EYA2: variants seen among roughly 807,000 people sequenced by gnomAD.
The protein encoded by EYA2 is EYA transcriptional coactivator and phosphatase 2.
In EYA2, 31 loss-of-function variants were observed where a neutral mutation model predicts 69.2. That is an observed-to-expected ratio of 0.45 (90% CI 0.34 to 0.60). The LOEUF (loss-of-function observed/expected upper bound fraction) is 0.60, where lower values mean the gene tolerates loss of function less well. Ranked by LOEUF, EYA2 falls within the 20% of genes least tolerant of loss-of-function variation. The pLI, the probability that EYA2 is intolerant of heterozygous loss-of-function variation, is 0.02. For synonymous variants in EYA2, 257 were observed against 279.4 expected (o/e 0.92, Z 0.80); for missense variants, 622 against 701.2 (o/e 0.89, Z 1.28).
chr20:47,066,479 TTCTC>T (rs1449912048), intron 5 of EYA2, among the ~76,000 whole-genome samples: 2 of 152,176 alleles, frequency 1.3e-5, no homozygotes, highest in Non-Finnish European at 2.9e-5. Flanking sequence ...AGAAGGGTAT[TTCTC>T]TCTCACCTAA....
chr20:47,044,199 G>C (rs183781911), intron 5 of EYA2, among the ~76,000 whole-genome samples: 3 of 152,192 alleles, frequency 2.0e-5, no homozygotes, highest in African/African-American at 7.2e-5. Context: ...AACATATGGC[G>C]TTAAGGTGTC....
At chr20:46,914,536 C>T (rs1984803827) in intron 1 of EYA2, among the ~76,000 whole-genome samples, 1 of 152,148 alleles carries the variant, frequency 6.6e-6, no homozygotes, top group Admixed American at 6.5e-5. Flanking sequence ...ACACATCCTT[C>T]TTCATATGGT....
intron 5 of EYA2, among the ~76,000 whole-genome samples, chr20:47,028,929 T>C (rs1438541828): frequency 6.7e-6 from 1 of 150,306 alleles, no homozygotes; most frequent in East Asian, 1.9e-4. Context: ...TATTCAAAAT[T>C]TAAATTAAAA....
At chr20:47,004,042 A>G (rs1982538776) in intron 3 of EYA2, among the ~76,000 whole-genome samples, 1 of 152,232 alleles carries the variant, frequency 6.6e-6, no homozygotes, top group Admixed American at 6.5e-5. Context: ...CATAGTATAA[A>G]TATCTTAAGT....
intron 5 of EYA2, among the ~76,000 whole-genome samples, chr20:47,041,474 CTT>C (rs1985065841): frequency 6.6e-6 from 1 of 152,216 alleles, no homozygotes; most frequent in Non-Finnish European, 1.5e-5. Flanking sequence ...ATATTGAACA[CTT>C]TTATACAGAT....
In EYA2 at chr20:46,983,304, G is replaced by A. The variant is rs1980960451; in HGVS notation, c.-10-6697G>A. Among the ~76,000 whole-genome samples, 4 of 152,194 alleles carry A rather than the reference G, an allele frequency of 2.6e-5. No individual in the cohort carries two copies. In the South Asian group the frequency reaches 8.3e-4, roughly 32 times the overall value. ...TGTATAAAACATTGTGGAGACTCTG[G>A]AAGATGACATCTCCTCCAAAAGAAA... On this transcript the variant is annotated intron_variant, in intron 1 of 15. Transcript: ENST00000327619.
At chr20:47,085,730 C>A (rs1018702100) in intron 7 of EYA2, among the ~76,000 whole-genome samples, 10 of 151,962 alleles carry the variant, frequency 6.6e-5, no homozygotes, top group Non-Finnish European at 1.5e-4. Flanking sequence ...CCAAAACAAG[C>A]CAGAAAAAAG....
At chr20:46,938,310 A>G (rs77167154) in intron 1 of EYA2, among the ~76,000 whole-genome samples, 200 of 152,348 alleles carry the variant, frequency 1.3e-3, no homozygotes, top group Middle Eastern at 3.4e-3. Context: ...GTTACTTGCA[A>G]ACATGATGAT....
intron 1 of EYA2, among the ~76,000 whole-genome samples, chr20:46,938,698 C>T (rs1371907426): frequency 1.3e-5 from 2 of 152,152 alleles, no homozygotes; most frequent in African/African-American, 4.8e-5. Flanking sequence ...ATGGATGCCA[C>T]AGTGTTTTAT....
intron 1 of EYA2, among the ~76,000 whole-genome samples, chr20:46,987,964 C>CTCTCTCTCTCTCTATATATATATA (rs1555809797): frequency 2.7e-4 from 3 of 11,282 alleles, no homozygotes; most frequent in African/African-American, 5.5e-4. Context: ...CTCTCTCTCT[C>CTCTCTCTCTCTCTATATATATATA]TATATATATA....
chr20:47,169,186 C>A lies in EYA2; in HGVS notation c.1026C>A (p.Gly342=). The change falls in exon 11 of 16, where the codon GGC becomes GGA. Residue 342 remains glycine (G), a synonymous_variant. Coordinates refer to ENST00000327619, the MANE Select transcript of EYA2 (RefSeq NM_005244.5). ...HVDDVSSDDN[G]QDLSTYNFSA... is the part of the protein sequence containing the mutation. ...ATGACGTCTCATCAGATGACAATGG[C>A]CAAGATTTAAGGTGGGAATTTGGGG... The A allele has an allele frequency of 6.2e-7, 1 of 1,613,874 alleles. No homozygotes were observed. The highest frequency in any genetic ancestry group is 8.5e-7 in the Non-Finnish European group (1 of 1,179,940).
intron 9 of EYA2, among the ~76,000 whole-genome samples, chr20:47,128,094 G>T (rs2033245580): frequency 6.6e-6 from 1 of 152,230 alleles, no homozygotes; most frequent in Non-Finnish European, 1.5e-5. Flanking sequence ...GGGAAAGGCT[G>T]GGAGCAGAGA....
At chr20:47,079,166 G>T (rs189738165) in intron 7 of EYA2, among the ~76,000 whole-genome samples, 19 of 152,326 alleles carry the variant, frequency 1.2e-4, no homozygotes, top group Admixed American at 3.9e-4. Context: ...GATCTGTGCA[G>T]TAGAAAATTT....
At chr20:46,951,953 T>C (rs538349276) in intron 1 of EYA2, among the ~76,000 whole-genome samples, 1 of 152,226 alleles carries the variant, frequency 6.6e-6, no homozygotes, top group African/African-American at 2.4e-5. Flanking sequence ...TCCTCTCTCT[T>C]AACAAATATT....
At chr20:47,092,506 T>C (rs181339020) in intron 8 of EYA2, among the ~76,000 whole-genome samples, 52 of 152,330 alleles carry the variant, frequency 3.4e-4, no homozygotes, top group Admixed American at 3.1e-3. Context: ...CAGCTTGAAG[T>C]TGCAGAGCTT....
At chr20:47,097,270 TCCAAC>T in intron 9 of EYA2, 102 bp downstream of exon 9, 1 of 884,986 alleles carries the variant, frequency 1.1e-6, no homozygotes, top group Non-Finnish European at 1.7e-6. Context: ...AGGCAGCTTC[TCCAAC>T]AAAAGCTGCC....
In EYA2 at chr20:47,133,010, G is replaced by C. The variant is rs73309700; in HGVS notation, c.889-10049G>C. On this transcript the variant is annotated intron_variant, in intron 9 of 15. Transcript: ENST00000327619. ...CGTTTTTGCTTGGAATTGGCACGTT[G>C]CATGCTGAGTTAAGAATCTTTTGAT... Among the ~76,000 whole-genome samples the C allele has an allele frequency of 7.0e-3, 1,061 of 152,280 alleles. 15 individuals carry two copies. Among genetic ancestry groups the C allele is most frequent in the African/African-American group, 0.024 (998 of 41,540 alleles).
At chr20:46,920,334 A>G (rs1985125260) in intron 1 of EYA2, among the ~76,000 whole-genome samples, 1 of 151,996 alleles carries the variant, frequency 6.6e-6, no homozygotes, top group African/African-American at 2.4e-5. Context: ...CAAGCCCACG[A>G]TATCTCCAAG....
chr20:46,896,404 C>CAAA (rs71892947), intron 1 of EYA2, among the ~76,000 whole-genome samples: 4,672 of 141,510 alleles, frequency 0.033, 154 homozygotes, highest in East Asian at 0.11. Flanking sequence ...ATCCTGCTTA[C>CAAA]AAAAAAAAAA....
Sources: gnomAD v4.1 joint callset for allele counts (sites outside exome capture counted in the v4.1 genomes callset) on GRCh38, gnomAD v4.1.1 for gene constraint, MANE v1.5 for transcripts, NCBI Gene and HGNC (gene_info 2026-07-23, HGNC 2026-07-21) for gene names.